Variants in SLC6A2 observed in about 807,000 individuals in gnomAD.
SLC6A2 encodes sodium-dependent noradrenaline transporter.
A neutral mutation model predicts 71.7 loss-of-function variants in SLC6A2; 26 were observed. The ratio of observed to expected loss-of-function variants is 0.36; its 90% CI spans 0.27 to 0.50. The LOEUF is 0.50. Among genes scored for constraint, SLC6A2 ranks in the 20% least tolerant of loss-of-function variants. The pLI is 0.96. For synonymous variants in SLC6A2, 363 were observed against 337.9 expected (o/e 1.07, Z -0.82); for missense variants, 581 against 803.9 (o/e 0.72, Z 3.35).
intron 4 of SLC6A2, 125 bp downstream of exon 4, chr16:55,672,300 A>C: frequency 6.5e-7 from 1 of 1,528,552 alleles, no homozygotes; most frequent in Non-Finnish European, 8.9e-7. Flanking sequence ...TTTACTGAGC[A>C]GCCACTGGCC....
intron 7 of SLC6A2, among the ~76,000 whole-genome samples, chr16:55,694,743 G>T (rs1258441465): frequency 6.6e-6 from 1 of 152,220 alleles, no homozygotes; most frequent in Non-Finnish European, 1.5e-5. Context: ...CCTGATAGAA[G>T]ACAAGCCAGT....
chr16:55,669,231 C>A (rs1189825614), intron 2 of SLC6A2, among the ~76,000 whole-genome samples: 1 of 152,154 alleles, frequency 6.6e-6, no homozygotes, highest in Admixed American at 6.5e-5. Context: ...TTAAATAAAT[C>A]TGGTAAAGGC....
At chr16:55,692,500 A>T (rs1012561868) in intron 6 of SLC6A2, among the ~76,000 whole-genome samples, 1 of 151,924 alleles carries the variant, frequency 6.6e-6, no homozygotes, top group Non-Finnish European at 1.5e-5. Context: ...GGCCCTGCCA[A>T]CTCTCTTCCC....
At chr16:55,692,225 C>T (rs1212611982) in intron 6 of SLC6A2, among the ~76,000 whole-genome samples, 173 bp downstream of exon 6, 1 of 152,166 alleles carries the variant, frequency 6.6e-6, no homozygotes, top group Non-Finnish European at 1.5e-5. Context: ...CGGATTTGCA[C>T]CTGACAGTCT....
rs796375946 is a variant in SLC6A2, at chr16:55,684,242, G to A, written c.645-901G>A. Reference sequence around the variant, plus strand: ...CTGAGCCTGGGGAGGCTGAGTCTTCGGTGAGCCGTGATGGTGCCACTGCAC... The same window carrying A: ...CTGAGCCTGGGGAGGCTGAGTCTTCAGTGAGCCGTGATGGTGCCACTGCAC... On this transcript the variant is annotated intron_variant, in intron 4 of 14. Transcript: ENST00000568943. Among the ~76,000 whole-genome samples, 37 of 150,994 alleles carry A rather than the reference G, an allele frequency of 2.5e-4. 1 individual carries two copies. The highest frequency in any genetic ancestry group is 8.0e-4 in the African/African-American group (33 of 41,050).
chr16:55,664,864 G>C (rs1281853176), intron 2 of SLC6A2, among the ~76,000 whole-genome samples: 1 of 152,118 alleles, frequency 6.6e-6, no homozygotes, highest in Non-Finnish European at 1.5e-5. Context: ...TGGGAGCCAA[G>C]TGTGCCTGCC....
chr16:55,687,082 C>A (rs1350180986), intron 5 of SLC6A2, among the ~76,000 whole-genome samples: 1 of 43,780 alleles, frequency 2.3e-5, no homozygotes, highest in East Asian at 6.1e-4. Flanking sequence ...ATGGATCAAC[C>A]AATGTCACTA....
Position 55,671,424 on chromosome 16 carries a change from T to G in SLC6A2, c.407-514T>G, listed in dbSNP as rs892323395. ...CTCGGGCAAAGAGATGGCAGGGGCC[T>G]ATGGACTCTGGCAATCTGCTATAGC... is the stretch of plus-strand genomic sequence containing the variant. On this transcript the variant is annotated intron_variant, in intron 3 of 14. Transcript: ENST00000568943. Among the ~76,000 whole-genome samples the G allele has an allele frequency of 3.5e-4, 54 of 152,130 alleles. 1 individual carries two copies. The highest frequency in any genetic ancestry group is 1.0e-4 in the Non-Finnish European group (7 of 68,026).
chr16:55,670,329 C>T (rs1331888209), intron 3 of SLC6A2, among the ~76,000 whole-genome samples: 2 of 152,164 alleles, frequency 1.3e-5, no homozygotes, highest in African/African-American at 2.4e-5. Context: ...TCCGCTGGCA[C>T]GTGCCTCCTG....
In SLC6A2 at chr16:55,691,985, T is replaced by A. The variant is rs1245613776; in HGVS notation, c.851T>A (p.Leu284Gln). The change falls in exon 6 of 15, where the codon CTG becomes CAG. Residue 284 changes from leucine (L) to glutamine (Q), a missense_variant. Physicochemically the swap from Leu to Gln is moderately radical, Grantham distance 113 (BLOSUM62 -2). Around this residue, in one of 5 missense-constraint regions of SLC6A2, gnomAD observed 334 missense variants for 449.0 expected, o/e 0.74. Transcript: ENST00000568943. ...GTGCTCCTGGTCCATGGCGTCACGC[T>A]GCCCGGAGCCTCCAATGGCATCAAT... ...LFVLLVHGVT[L>Q]PGASNGINAY... is the part of the protein sequence containing the mutation. 2 of 1,614,204 alleles carry A rather than the reference T, an allele frequency of 1.2e-6. No individual in the cohort carries two copies. The highest frequency in any genetic ancestry group is 1.7e-6 in the Non-Finnish European group (2 of 1,180,020).
intron 4 of SLC6A2, 100 bp downstream of exon 4, chr16:55,672,275 G>T: frequency 2.5e-6 from 4 of 1,599,676 alleles, no homozygotes; most frequent in Non-Finnish European, 3.4e-6. Context: ...GACGCATGCC[G>T]TCAGGATATT....
chr16:55,671,920 C>T lies in SLC6A2; in HGVS notation c.407-18C>T, dbSNP rs753391634. ...CTGGGCCTGGGAGACTCCTACCTTA[C>T]CCCCTGTCCCTGCCCAGGCGTTGGC... On this transcript the variant is annotated intron_variant, in intron 3 of 14. Coordinates refer to ENST00000568943, the MANE Select transcript of SLC6A2 (RefSeq NM_001172501.3). 1 of 1,613,930 alleles carries T rather than the reference C, an allele frequency of 6.2e-7. No homozygotes were observed. Among genetic ancestry groups the T allele is most frequent in the East Asian group, 2.2e-5 (1 of 44,872 alleles).
intron 5 of SLC6A2, among the ~76,000 whole-genome samples, chr16:55,691,230 G>GGAGAGAGAGA (rs56308124): frequency 4.3e-5 from 2 of 46,460 alleles, no homozygotes; most frequent in African/African-American, 2.0e-4. Flanking sequence ...GGGGAGAGGG[G>GGAGAGAGAGA]GAGAGAGAGA....
chr16:55,697,817 G>T, intron 9 of SLC6A2, 80 bp from the exon 10 acceptor site: 1 of 1,527,998 alleles, frequency 6.5e-7, no homozygotes, highest in South Asian at 1.1e-5. Flanking sequence ...GCTGCAGGAG[G>T]CTCTAGGAAC....
At chr16:55,695,777 G>T (rs1468663495) in intron 8 of SLC6A2, among the ~76,000 whole-genome samples, 2 of 152,154 alleles carry the variant, frequency 1.3e-5, no homozygotes, top group Non-Finnish European at 2.9e-5. Context: ...ACATTGTCTG[G>T]CGTCACCCAG....
At chr16:55,682,846 G>T (rs879641277) in intron 4 of SLC6A2, among the ~76,000 whole-genome samples, 2 of 152,090 alleles carry the variant, frequency 1.3e-5, no homozygotes, top group African/African-American at 2.4e-5. Context: ...CTCGTTTTGG[G>T]GGCCCCTGCA....
chr16:55,693,282 G>T (rs565776082), intron 6 of SLC6A2, among the ~76,000 whole-genome samples: 1 of 152,036 alleles, frequency 6.6e-6, no homozygotes, highest in Non-Finnish European at 1.5e-5. Context: ...AGCCACTCAG[G>T]ATGCTTGAAC....
intron 2 of SLC6A2, among the ~76,000 whole-genome samples, chr16:55,658,160 C>T (rs1964510063): frequency 6.6e-6 from 1 of 152,102 alleles, no homozygotes; most frequent in South Asian, 2.1e-4. Flanking sequence ...ACTTACAACT[C>T]TGCTTCTATG....
At chr16:55,671,871 A>G in intron 3 of SLC6A2, 67 bp from the exon 4 acceptor site, 1 of 1,609,284 alleles carries the variant, frequency 6.2e-7, no homozygotes, top group Non-Finnish European at 8.5e-7. Context: ...GTGGAGCCAC[A>G]CCCAAGGAGA....
Sources: allele counts gnomAD v4.1 joint callset (sites outside exome capture counted in the v4.1 genomes callset), GRCh38; gene constraint gnomAD v4.1.1; regional missense constraint gnomAD v4.1.1; transcripts MANE v1.5; gene names NCBI Gene and HGNC (gene_info 2026-07-23, HGNC 2026-07-21).